Variants in GABRB2 observed in about 807,000 individuals in gnomAD.
GABRB2 encodes gamma-aminobutyric acid type A receptor subunit beta2.
GABRB2 carries 16 observed loss-of-function variants against 54.7 expected under a neutral mutation model. The ratio of observed to expected loss-of-function variants is 0.29; its 90% CI spans 0.20 to 0.44. The LOEUF is 0.44. GABRB2 is among the 20% of genes least tolerant of loss of function. The pLI is 1.00. For synonymous variants in GABRB2, 244 were observed against 233.8 expected, an observed-to-expected ratio of 1.04 and a Z score of -0.40; for missense variants, 355 against 644.0, an observed-to-expected ratio of 0.55 and a Z score of 4.86.
chr5:161,322,719 C>T (rs1271045203), intron 9 of GABRB2, among the ~76,000 whole-genome samples: 1 of 152,006 alleles, frequency 6.6e-6, no homozygotes, highest in African/African-American at 2.4e-5. Context: ...ACAACTTTTT[C>T]CTCTGCATTT....
chr5:161,536,012 T>C (rs1012130177), intron 3 of GABRB2, among the ~76,000 whole-genome samples: 1 of 152,188 alleles, frequency 6.6e-6, no homozygotes, highest in Non-Finnish European at 1.5e-5. Context: ...GTTCCATGTC[T>C]GCTTCTGCCT....
At chr5:161,326,995 C>T (rs1015338503) in intron 8 of GABRB2, 16 of 983,200 alleles carry the variant, frequency 1.6e-5, no homozygotes, top group Non-Finnish European at 1.8e-5. Flanking sequence ...CTTGAAGCTA[C>T]GGGCAAGAAC....
At chr5:161,396,708 T>A (rs988629129) in intron 5 of GABRB2, among the ~76,000 whole-genome samples, 4 of 152,208 alleles carry the variant, frequency 2.6e-5, no homozygotes, top group Non-Finnish European at 1.5e-5. Context: ...GGTAGTCATT[T>A]CATAATGTAT....
At chr5:161,422,338 A>G (rs187575188) in intron 4 of GABRB2, among the ~76,000 whole-genome samples, 1 of 152,196 alleles carries the variant, frequency 6.6e-6, no homozygotes, top group East Asian at 1.9e-4. Flanking sequence ...CATTCCATAT[A>G]CATACTATAT....
At chr5:161,387,120 C>T (rs1346275179) in intron 5 of GABRB2, among the ~76,000 whole-genome samples, 1 of 151,988 alleles carries the variant, frequency 6.6e-6, no homozygotes, top group Non-Finnish European at 1.5e-5. Flanking sequence ...TTTGTAATTA[C>T]AATAAATGTA....
At chr5:161,352,520 A>C (rs1754505091) in intron 5 of GABRB2, among the ~76,000 whole-genome samples, 1 of 152,098 alleles carries the variant, frequency 6.6e-6, no homozygotes, top group African/African-American at 2.4e-5. Context: ...TCATCTAAGT[A>C]GAGAGTAGAA....
At chr5:161,451,602 C>G (rs74432552) in intron 4 of GABRB2, among the ~76,000 whole-genome samples, 3,412 of 152,134 alleles carry the variant, frequency 0.022, 61 homozygotes, top group Non-Finnish European at 0.034. Flanking sequence ...ATTTGATAGC[C>G]ACAACCAAAT....
chr5:161,391,525 G>T (rs1187715148), intron 5 of GABRB2, among the ~76,000 whole-genome samples: 2 of 151,996 alleles, frequency 1.3e-5, no homozygotes, highest in East Asian at 3.9e-4. Context: ...GTGGAATAAG[G>T]CTTTGTTCTA....
At chr5:161,451,532 A>G (rs965758201) in intron 4 of GABRB2, among the ~76,000 whole-genome samples, 6 of 152,242 alleles carry the variant, frequency 3.9e-5, no homozygotes, top group Non-Finnish European at 7.3e-5. Context: ...AAATTGTGTC[A>G]CAAATAATTT....
At chr5:161,523,608 T>C (rs527963624) in intron 3 of GABRB2, among the ~76,000 whole-genome samples, 15 of 151,738 alleles carry the variant, frequency 9.9e-5, no homozygotes, top group African/African-American at 3.6e-4. Flanking sequence ...CTGGTACTCC[T>C]GCTTGGCTCT....
intron 5 of GABRB2, among the ~76,000 whole-genome samples, chr5:161,349,967 AAGCT>A (rs1257178596): frequency 6.6e-6 from 1 of 152,146 alleles, no homozygotes; most frequent in Non-Finnish European, 1.5e-5. Flanking sequence ...TTAAGCTGTT[AAGCT>A]TTAGGGCAAT....
At chr5:161,453,467 TG>T (rs1384303959) in intron 4 of GABRB2, among the ~76,000 whole-genome samples, 11 of 152,268 alleles carry the variant, frequency 7.2e-5, no homozygotes, top group African/African-American at 2.6e-4. Flanking sequence ...GCCCATAGTT[TG>T]CCTTGCTGCT....
At chr5:161,432,764 C>T (rs1757204963) in intron 4 of GABRB2, among the ~76,000 whole-genome samples, 2 of 152,126 alleles carry the variant, frequency 1.3e-5, no homozygotes, top group Admixed American at 1.3e-4. Context: ...TCAGAGTCCT[C>T]CCCATGGGCT....
chr5:161,316,071 C>T (rs1758020057), intron 9 of GABRB2, among the ~76,000 whole-genome samples: 1 of 152,056 alleles, frequency 6.6e-6, no homozygotes, highest in Non-Finnish European at 1.5e-5. Context: ...GTAGGTTTAA[C>T]TGAAAGGAGG....
At chr5:161,346,417 A>C (rs772301683) in intron 5 of GABRB2, among the ~76,000 whole-genome samples, 2 of 152,168 alleles carry the variant, frequency 1.3e-5, no homozygotes, top group Non-Finnish European at 2.9e-5. Flanking sequence ...TTAAATTAAC[A>C]AGGCCAATTG....
At chr5:161,545,129 T>A in intron 3 of GABRB2, 98 bp downstream of exon 3, 9 of 775,854 alleles carry the variant, frequency 1.2e-5, no homozygotes, top group East Asian at 3.1e-5. Flanking sequence ...CTCATACACA[T>A]AGCCAAGCAC....
chr5:161,358,429 G>T (rs1005604710), intron 5 of GABRB2, among the ~76,000 whole-genome samples: 2 of 152,110 alleles, frequency 1.3e-5, no homozygotes, highest in South Asian at 2.1e-4. Context: ...AAAAAAAAGT[G>T]GGGGGAATAA....
intron 9 of GABRB2, among the ~76,000 whole-genome samples, chr5:161,310,378 C>G (rs1013283984): frequency 3.3e-5 from 5 of 152,172 alleles, no homozygotes; most frequent in Non-Finnish European, 7.3e-5. Context: ...AAATAAATCT[C>G]CATCTCTCTT....
At chr5:161,455,304 A>C (rs758989871) in intron 4 of GABRB2, among the ~76,000 whole-genome samples, 21 of 152,116 alleles carry the variant, frequency 1.4e-4, no homozygotes, top group Non-Finnish European at 2.6e-4. Flanking sequence ...CAGCCTGGCT[A>C]TCCGTGATCA....
Sources: gnomAD v4.1 joint callset for allele counts (sites outside exome capture counted in the v4.1 genomes callset) on GRCh38, gnomAD v4.1.1 for gene constraint, MANE v1.5 for transcripts, NCBI Gene and HGNC (gene_info 2026-07-23, HGNC 2026-07-21) for gene names.